The following NOS1AP variants were observed in gnomAD, a reference collection of about 807,000 sequenced individuals.
NOS1AP encodes carboxyl-terminal PDZ ligand of neuronal nitric oxide synthase protein.
Under a neutral mutation model 56.2 loss-of-function variants are expected in NOS1AP, and 21 were observed. The observed-to-expected ratio is 0.37, with a 90% CI of 0.26 to 0.54. The LOEUF (loss-of-function observed/expected upper bound fraction) is 0.54, where lower values mean the gene tolerates loss of function less well. NOS1AP is among the 20% of genes least tolerant of loss of function. The pLI is 0.84. For missense variants in NOS1AP, 522 were observed against 657.8 expected, an observed-to-expected ratio of 0.79 and a Z score of 2.26; for synonymous variants, 270 against 274.6, an observed-to-expected ratio of 0.98 and a Z score of 0.17.
intron 1 of NOS1AP, among the ~76,000 whole-genome samples, chr1:162,150,116 C>T (rs1649649716): frequency 6.6e-6 from 1 of 151,984 alleles, no homozygotes; most frequent in African/African-American, 2.4e-5. Flanking sequence ...ATTAACCATC[C>T]TTCCCTCCCT....
At chr1:162,139,155 T>A (rs1649126873) in intron 1 of NOS1AP, among the ~76,000 whole-genome samples, 1 of 152,142 alleles carries the variant, frequency 6.6e-6, no homozygotes, top group African/African-American at 2.4e-5. Flanking sequence ...CATCCCGGGT[T>A]TTGACCTCAT....
At chr1:162,136,239 G>A (rs1253724454) in intron 1 of NOS1AP, among the ~76,000 whole-genome samples, 1 of 152,090 alleles carries the variant, frequency 6.6e-6, no homozygotes, top group African/African-American at 2.4e-5. Context: ...AGGTAGTTCT[G>A]GGGCAGGAAA....
At chr1:162,212,304 T>G (rs1031168595) in intron 2 of NOS1AP, among the ~76,000 whole-genome samples, 3 of 152,230 alleles carry the variant, frequency 2.0e-5, no homozygotes, top group South Asian at 2.1e-4. Flanking sequence ...CCTCATCTAC[T>G]TAATGACCAG....
chr1:162,273,070 C>T (rs1435261254), intron 2 of NOS1AP, among the ~76,000 whole-genome samples: 1 of 151,664 alleles, frequency 6.6e-6, no homozygotes, highest in African/African-American at 2.4e-5. Flanking sequence ...CTGGAGGGGA[C>T]TCTGTGTCTG....
intron 2 of NOS1AP, among the ~76,000 whole-genome samples, chr1:162,176,223 G>A (rs1339796615): frequency 2.0e-5 from 3 of 151,960 alleles, no homozygotes; most frequent in African/African-American, 4.8e-5. Context: ...ATAAAGTTCT[G>A]TGGGTTTTTG....
chr1:162,186,013 C>G (rs537603783), intron 2 of NOS1AP, among the ~76,000 whole-genome samples: 1 of 152,182 alleles, frequency 6.6e-6, no homozygotes, highest in African/African-American at 2.4e-5. Context: ...CTTCCTTCTC[C>G]TCCTCCTTCG....
intron 7 of NOS1AP, among the ~76,000 whole-genome samples, chr1:162,355,566 C>A (rs887891770): frequency 6.6e-6 from 1 of 152,164 alleles, no homozygotes; most frequent in African/African-American, 2.4e-5. Flanking sequence ...GGAGCTGATT[C>A]CTGACACACA....
chr1:162,103,818 T>TCC (rs1647397621), intron 1 of NOS1AP, among the ~76,000 whole-genome samples: 1 of 152,086 alleles, frequency 6.6e-6, no homozygotes, highest in South Asian at 2.1e-4. Context: ...TGAGCCTGTT[T>TCC]ATGTCTTTGC....
At chr1:162,143,458 A>G (rs927270016) in intron 1 of NOS1AP, among the ~76,000 whole-genome samples, 2 of 152,094 alleles carry the variant, frequency 1.3e-5, no homozygotes, top group African/African-American at 4.8e-5. Flanking sequence ...ATGATTTTAT[A>G]ATATTTTCTA....
chr1:162,155,286 A>ATG (rs1479416430), intron 2 of NOS1AP, among the ~76,000 whole-genome samples: 18 of 139,178 alleles, frequency 1.3e-4, no homozygotes, highest in East Asian at 6.2e-4. Context: ...ATACACATAT[A>ATG]TACATATATA....
chr1:162,360,032 T>G (rs1300636920), intron 8 of NOS1AP, among the ~76,000 whole-genome samples: 1 of 128,412 alleles, frequency 7.8e-6, no homozygotes, highest in Non-Finnish European at 1.6e-5. Flanking sequence ...CCCCCATTTC[T>G]TCCCACAGAC....
chr1:162,209,449 A>C (rs1467927516), intron 2 of NOS1AP, among the ~76,000 whole-genome samples: 1 of 152,198 alleles, frequency 6.6e-6, no homozygotes, highest in African/African-American at 2.4e-5. Flanking sequence ...AGAACCCAGT[A>C]CAAACCTCTG....
chr1:162,090,380 A>G (rs1360746546), intron 1 of NOS1AP, among the ~76,000 whole-genome samples: 5 of 151,934 alleles, frequency 3.3e-5, no homozygotes, highest in African/African-American at 7.2e-5. Flanking sequence ...AAAAAAAAAA[A>G]AAGTCTGAGA....
chr1:162,094,434 A>G (rs972664457), intron 1 of NOS1AP, among the ~76,000 whole-genome samples: 3 of 152,058 alleles, frequency 2.0e-5, no homozygotes, highest in African/African-American at 7.2e-5. Context: ...TGCTTGATTT[A>G]TTCTTCCCCT....
intron 1 of NOS1AP, among the ~76,000 whole-genome samples, chr1:162,122,588 A>C (rs948855897): frequency 6.6e-6 from 1 of 151,314 alleles, no homozygotes; most frequent in African/African-American, 2.4e-5. Flanking sequence ...GCTCACTGCA[A>C]CCTCCACCTC....
At position 162,367,080 on chromosome 1, in the gene NOS1AP, C is replaced by A. The variant is rs751808507; in HGVS notation, c.1134C>A (p.Ile378=). Residue 378 remains isoleucine, a synonymous_variant, in exon 10 of 10, where the codon ATC becomes ATA. Transcript: ENST00000361897. This position sits in a 1 kb window ranked among gnomAD's most constrained non-coding sequence, Gnocchi z 6.5. ...AMGSQDSLLE[I]TFRSGALPVL... ...GCTCCCAGGACAGCTTGCTGGAGATCACCTTCCGCTCCGGAGCCCTGCCCG... is the reference window on the plus strand; with the variant it reads ...GCTCCCAGGACAGCTTGCTGGAGATAACCTTCCGCTCCGGAGCCCTGCCCG... 4 of 1,613,990 alleles carry A rather than the reference C, an allele frequency of 2.5e-6. No homozygotes were observed. The highest frequency in any genetic ancestry group is 2.2e-5 in the South Asian group (2 of 91,080).
At chr1:162,175,215 T>G (rs1313517844) in intron 2 of NOS1AP, among the ~76,000 whole-genome samples, 4 of 152,226 alleles carry the variant, frequency 2.6e-5, no homozygotes, top group African/African-American at 9.6e-5. Context: ...TGGAAAGTTT[T>G]GCTCTACCTC....
intron 2 of NOS1AP, among the ~76,000 whole-genome samples, chr1:162,238,426 T>A (rs1238635227): frequency 6.6e-6 from 1 of 152,154 alleles, no homozygotes; most frequent in African/African-American, 2.4e-5. Flanking sequence ...TTAACTTACC[T>A]GCTAGTCTCC....
At position 162,367,638 on chromosome 1, in the gene NOS1AP, G is replaced by A; in HGVS notation, c.*171G>A. ...TTGAGATTCTGCTTTGGAGGGTAAA[G>A]TGGGGAAGAAATCGGATTCCCAGAG... On this transcript the variant is annotated 3_prime_UTR_variant, in exon 10 of 10. Coordinates refer to ENST00000361897, the MANE Select transcript of NOS1AP (RefSeq NM_014697.3). This position sits in a 1 kb window ranked among gnomAD's most constrained non-coding sequence, Gnocchi z 6.5. The A allele has an allele frequency of 1.3e-6, 1 of 754,982 alleles. No individual in the cohort carries two copies. The highest frequency in any genetic ancestry group is 2.1e-6 in the Non-Finnish European group (1 of 479,586). The allele number at this position is 754,982 out of a possible 1,614,324, so 46.8% of individuals were successfully genotyped here. A position where few individuals can be genotyped will look rare whatever the true frequency, so the allele number is the denominator to read the frequency against.
Sources: allele counts gnomAD v4.1 joint callset (sites outside exome capture counted in the v4.1 genomes callset), GRCh38; gene constraint gnomAD v4.1.1; non-coding constraint Gnocchi (gnomAD v3.1); transcripts MANE v1.5; gene names NCBI Gene and HGNC (gene_info 2026-07-23, HGNC 2026-07-21).